The following PTER variants were observed in gnomAD, a reference collection of about 807,000 sequenced individuals.
PTER encodes N-acetyltaurine hydrolase.
Under a neutral mutation model 29.6 loss-of-function variants are expected in PTER, and 38 were observed. The ratio of observed to expected loss-of-function variants is 1.28; its 90% CI spans 0.99 to 1.68. The LOEUF (loss-of-function observed/expected upper bound fraction) is 1.68, where lower values mean the gene tolerates loss of function less well. Among genes scored for constraint, PTER ranks in the 40% most tolerant of loss-of-function variants. The probability of loss-of-function intolerance (pLI) is 0.00; values close to 1 mark genes in which losing one functional copy is unlikely to be tolerated. For synonymous variants in PTER, 172 were observed against 154.5 expected (o/e 1.11, Z -0.84); for missense variants, 482 against 427.8 (o/e 1.13, Z -1.12).
chr10:16,472,187 A>G (rs996750838), intron 1 of PTER, among the ~76,000 whole-genome samples: 7 of 152,230 alleles, frequency 4.6e-5, no homozygotes, highest in African/African-American at 1.7e-4. Context: ...ATAAATAAAA[A>G]ATTGCAGTTG....
At chr10:16,460,537 A>T (rs990302568) in intron 1 of PTER, among the ~76,000 whole-genome samples, 3 of 152,314 alleles carry the variant, frequency 2.0e-5, no homozygotes, top group African/African-American at 7.2e-5. Flanking sequence ...AGCATTATAC[A>T]TTTTAATACT....
At chr10:16,456,862 T>TGGGGGC (rs1554787514) in intron 1 of PTER, among the ~76,000 whole-genome samples, 2 of 113,598 alleles carry the variant, frequency 1.8e-5, no homozygotes, top group African/African-American at 3.3e-5. Flanking sequence ...ATGGGGAAGG[T>TGGGGGC]GGGGGGGGGT....
chr10:16,517,893 C>T (rs2133539749), downstream of PTER, among the ~76,000 whole-genome samples: 1 of 152,274 alleles, frequency 6.6e-6, no homozygotes, highest in Non-Finnish European at 1.5e-5. Flanking sequence ...ATTTACTGGT[C>T]TTTGATGTTT....
intron 1 of PTER, among the ~76,000 whole-genome samples, chr10:16,446,018 G>A (rs1364616066): frequency 1.3e-5 from 2 of 152,140 alleles, no homozygotes; most frequent in Non-Finnish European, 2.9e-5. Context: ...ATTTAGTAAA[G>A]TGCATCTTCA....
chr10:16,494,416 G>C (rs1312240368), intron 3 of PTER, among the ~76,000 whole-genome samples: 2 of 152,148 alleles, frequency 1.3e-5, no homozygotes, highest in African/African-American at 4.8e-5. Flanking sequence ...GACCCAAGCA[G>C]TCAGAGAACT....
intron 2 of PTER, 53 bp from the exon 3 acceptor site, chr10:16,486,280 CACATACTGTGGTGGATCTA>C: frequency 7.4e-7 from 1 of 1,356,320 alleles, no homozygotes; most frequent in Non-Finnish European, 1.0e-6. Flanking sequence ...TAAATTCATT[CACATACTGTGGTGGATCTA>C]TTTTGATAAA....
intron 1 of PTER, among the ~76,000 whole-genome samples, chr10:16,466,725 G>C (rs1191902733): frequency 6.6e-6 from 1 of 152,196 alleles, no homozygotes; most frequent in Non-Finnish European, 1.5e-5. Flanking sequence ...AGAGTCTACC[G>C]TGTGATCTTC....
intron 3 of PTER, among the ~76,000 whole-genome samples, chr10:16,498,622 G>T (rs1045328452): frequency 3.9e-5 from 6 of 152,268 alleles, no homozygotes; most frequent in Admixed American, 6.5e-5. Context: ...AGTATTCATG[G>T]ATATAGAATG....
chr10:16,475,733 A>C (rs991006266), intron 1 of PTER, among the ~76,000 whole-genome samples: 4 of 152,076 alleles, frequency 2.6e-5, no homozygotes, highest in Admixed American at 6.6e-5. Context: ...GATAATGAGG[A>C]CCTCCTGTAG....
At chr10:16,449,430 T>TTC in intron 1 of PTER, among the ~76,000 whole-genome samples, 1 of 140,250 alleles carries the variant, frequency 7.1e-6, no homozygotes, top group East Asian at 2.1e-4. Context: ...ATAATTTTCT[T>TTC]TTTTTTTTTT....
chr10:16,463,050 G>C (rs546193867), intron 1 of PTER, among the ~76,000 whole-genome samples: 2 of 151,686 alleles, frequency 1.3e-5, no homozygotes, highest in East Asian at 4.0e-4. Context: ...AAAATTAGTC[G>C]GGCTTGACGG....
At chr10:16,486,294 G>T (rs1472104715) in intron 2 of PTER, 58 bp from the exon 3 acceptor site, 71 of 1,438,650 alleles carry the variant, frequency 4.9e-5, no homozygotes, top group Non-Finnish European at 6.5e-5. Context: ...TACTGTGGTG[G>T]ATCTATTTTG....
At chr10:16,470,661 G>T (rs951891989) in intron 1 of PTER, among the ~76,000 whole-genome samples, 21 of 152,164 alleles carry the variant, frequency 1.4e-4, no homozygotes, top group African/African-American at 4.8e-4. Context: ...CCAGCTACTT[G>T]GGAGGCTGAG....
chr10:16,514,742 T>C (rs2133535985), downstream of PTER: 1 of 1,534,462 alleles, frequency 6.5e-7, no homozygotes, highest in Non-Finnish European at 8.9e-7. Flanking sequence ...GATGCGTAAA[T>C]GAGAATTCTC....
intron 3 of PTER, among the ~76,000 whole-genome samples, chr10:16,497,266 A>G (rs910678191): frequency 6.6e-6 from 1 of 152,126 alleles, no homozygotes; most frequent in Non-Finnish European, 1.5e-5. Context: ...CCCTACCAAC[A>G]TTTGTCTAAA....
chr10:16,507,201 CAT>C (rs55959560), intron 4 of PTER, among the ~76,000 whole-genome samples: 7,629 of 140,140 alleles, frequency 0.054, 272 homozygotes, highest in African/African-American at 0.11. Flanking sequence ...GTGGGTGGAG[CAT>C]ATATATATAT....
intron 1 of PTER, among the ~76,000 whole-genome samples, chr10:16,474,073 C>T (rs1835163807): frequency 6.6e-6 from 1 of 151,994 alleles, no homozygotes; most frequent in African/African-American, 2.4e-5. Context: ...AAAAATTAGC[C>T]AGTTGTGGTG....
At chr10:16,503,746 G>C (rs1291525610) in intron 3 of PTER, among the ~76,000 whole-genome samples, 1 of 152,098 alleles carries the variant, frequency 6.6e-6, no homozygotes, top group South Asian at 2.1e-4. Context: ...CACTATGTTG[G>C]CTAGACTGGT....
downstream of PTER, among the ~76,000 whole-genome samples, chr10:16,516,024 C>T (rs927580406): frequency 1.3e-5 from 2 of 152,102 alleles, no homozygotes; most frequent in African/African-American, 4.8e-5. Context: ...GTGATATAGT[C>T]TCACGTTAAT....
Sources: allele counts gnomAD v4.1 joint callset (sites outside exome capture counted in the v4.1 genomes callset), GRCh38; gene constraint gnomAD v4.1.1; transcripts MANE v1.5; gene names NCBI Gene and HGNC (gene_info 2026-07-23, HGNC 2026-07-21).